Variants in RUNX1 observed in about 807,000 individuals in gnomAD.
RUNX1 encodes RUNX family transcription factor 1.
In RUNX1, 19 loss-of-function variants were observed where a neutral mutation model predicts 42.8. The ratio of observed to expected loss-of-function variants is 0.44; its 90% CI spans 0.31 to 0.65. The LOEUF (loss-of-function observed/expected upper bound fraction) is 0.65, where lower values mean the gene tolerates loss of function less well. Among genes scored for constraint, RUNX1 ranks in the 30% least tolerant of loss-of-function variants. The pLI is 0.07. For missense variants in RUNX1, 528 were observed against 672.0 expected, an observed-to-expected ratio of 0.79 and a Z score of 2.37; for synonymous variants, 271 against 289.4, an observed-to-expected ratio of 0.94 and a Z score of 0.64.
In RUNX1 at chr21:34,789,105, CCAATATGGTTGG is replaced by C. The variant is rs1276769391; in HGVS notation, c.*3018_*3029del. 1 of 233,156 alleles carries C rather than the reference CCAATATGGTTGG, an allele frequency of 4.3e-6. No individual in the cohort carries two copies. Among genetic ancestry groups the C allele is most frequent in the Admixed American group, 5.6e-5 (1 of 17,782 alleles). The allele number at this position is 233,156 out of a possible 1,614,324, so 14.4% of individuals were successfully genotyped here. A position where few individuals can be genotyped will look rare whatever the true frequency, so the allele number is the denominator to read the frequency against. On this transcript the variant is annotated 3_prime_UTR_variant, in exon 9 of 9. Coordinates refer to ENST00000675419, the MANE Select transcript of RUNX1 (RefSeq NM_001754.5). ...TTGCTGGTTTGGACAGCAAGCAGAT[CCAATATGGTTGG>C]CAATGTCTCTGTTCTGCTGGAAGAA...
chr21:35,046,547 C>T (rs2059397523), intron 2 of RUNX1, among the ~76,000 whole-genome samples: 1 of 152,166 alleles, frequency 6.6e-6, no homozygotes, highest in South Asian at 2.1e-4. Flanking sequence ...GCTGAGAACT[C>T]TGGGGGAGAG....
At chr21:34,888,071 A>G in intron 3 of RUNX1, 1 of 1,066,402 alleles carries the variant, frequency 9.4e-7, no homozygotes, top group Non-Finnish European at 1.1e-6. Flanking sequence ...GGAGTTGAGC[A>G]GCCGCAGAGT....
At chr21:34,969,036 A>AGT (rs2058741170) in intron 2 of RUNX1, among the ~76,000 whole-genome samples, 1 of 152,196 alleles carries the variant, frequency 6.6e-6, no homozygotes, top group Admixed American at 6.5e-5. Flanking sequence ...TTTTCCTATT[A>AGT]CAGGTCTCCT....
At chr21:35,001,867 G>A (rs1318447930) in intron 2 of RUNX1, among the ~76,000 whole-genome samples, 1 of 151,892 alleles carries the variant, frequency 6.6e-6, no homozygotes, top group African/African-American at 2.4e-5. Context: ...ATTCAAAAAG[G>A]TAACTGAAAA....
chr21:35,038,599 C>CTGTGTGTG (rs1568806462), intron 2 of RUNX1: 2 of 343,822 alleles, frequency 5.8e-6, no homozygotes, highest in African/African-American at 4.9e-5. Context: ...CTCTCTCTCT[C>CTGTGTGTG]TCTCTCTCTC....
chr21:34,919,724 AT>A (rs1309505487), intron 2 of RUNX1, among the ~76,000 whole-genome samples: 2 of 152,238 alleles, frequency 1.3e-5, no homozygotes, highest in African/African-American at 4.8e-5. Flanking sequence ...AGTGGCATGC[AT>A]TTTGGTAACT....
At chr21:34,902,486 T>G (rs2058184926) in intron 2 of RUNX1, among the ~76,000 whole-genome samples, 1 of 152,154 alleles carries the variant, frequency 6.6e-6, no homozygotes, top group Non-Finnish European at 1.5e-5. Context: ...ATATATATTA[T>G]AAAGACATAA....
Sources: allele counts gnomAD v4.1 joint callset (sites outside exome capture counted in the v4.1 genomes callset), GRCh38; gene constraint gnomAD v4.1.1; transcripts MANE v1.5; gene names NCBI Gene and HGNC (gene_info 2026-07-23, HGNC 2026-07-21).